CYB5R3: variants seen among roughly 807,000 people sequenced by gnomAD.
CYB5R3 encodes cytochrome b5 reductase 3.
Under a neutral mutation model 36.5 loss-of-function variants are expected in CYB5R3, and 28 were observed. That is an observed-to-expected ratio of 0.77 (90% confidence interval 0.57 to 1.05). CYB5R3 has a LOEUF of 1.05. Ranked by LOEUF, CYB5R3 falls within the 50% of genes least tolerant of loss-of-function variation. The probability of loss-of-function intolerance (pLI) is 0.00; values close to 1 mark genes in which losing one functional copy is unlikely to be tolerated. For synonymous variants in CYB5R3, 181 were observed against 159.8 expected (o/e 1.13, Z -1.00); for missense variants, 474 against 408.9 (o/e 1.16, Z -1.37).
Position 42,649,326 on chromosome 22 carries a change from C to A in CYB5R3, c.-11G>T. Reference sequence around the variant, plus strand: ...GAGCTGGGCCCCCATGGTGGCCCCGCGCCGCGCTCGCTCTGTCGCCGCCGC... The same window carrying A: ...GAGCTGGGCCCCCATGGTGGCCCCGAGCCGCGCTCGCTCTGTCGCCGCCGC... On this transcript the variant is annotated 5_prime_UTR_variant, in exon 1 of 9. Transcript: ENST00000352397. The A allele has an allele frequency of 9.9e-7, 1 of 1,013,776 alleles. No individual in the cohort carries two copies. The highest frequency in any genetic ancestry group is 1.2e-6 in the Non-Finnish European group (1 of 840,908). The allele number at this position is 1,013,776 out of a possible 1,614,324, so 62.8% of individuals were successfully genotyped here.
intron 8 of CYB5R3, 57 bp from the exon 9 acceptor site, chr22:42,620,002 G>T: frequency 1.3e-6 from 2 of 1,498,912 alleles, no homozygotes; most frequent in South Asian, 1.2e-5. Context: ...CCAACCTGCT[G>T]ACCGACCAAC....
At chr22:42,628,083 A>G (rs769421290) in intron 5 of CYB5R3, 69 bp downstream of exon 5, 34 of 1,605,910 alleles carry the variant, frequency 2.1e-5, no homozygotes, top group Non-Finnish European at 2.8e-5. Context: ...TGCACCCTGC[A>G]CCCAGCACGC....
At chr22:42,632,481 G>A (rs573594208) in intron 2 of CYB5R3, 17 of 152,410 alleles carry the variant, frequency 1.1e-4, no homozygotes, top group African/African-American at 4.1e-4. Flanking sequence ...CTCAAGGAGA[G>A]ACCCGTCCCT....
intron 1 of CYB5R3, among the ~76,000 whole-genome samples, chr22:42,642,276 T>C (rs1192148522): frequency 6.6e-6 from 1 of 152,000 alleles, no homozygotes; most frequent in African/African-American, 2.4e-5. Context: ...CAGGCCTTGG[T>C]AATTTTTTTG....
chr22:42,635,399 T>G (rs1398443986), intron 2 of CYB5R3, among the ~76,000 whole-genome samples: 1 of 152,076 alleles, frequency 6.6e-6, no homozygotes, highest in East Asian at 1.9e-4. Context: ...CCACCACGCC[T>G]GGCCTAATTT....
chr22:42,620,305 T>A (rs1927896220), intron 8 of CYB5R3, among the ~76,000 whole-genome samples: 1 of 151,756 alleles, frequency 6.6e-6, no homozygotes, highest in African/African-American at 2.4e-5. Flanking sequence ...GGACCCAGAG[T>A]TGAGTTGCTC....
chr22:42,649,382 C>T lies in CYB5R3; in HGVS notation c.-67G>A. ...CCGCCGAGACCGTCGCGCCCGGGCC[C>T]GCGTCACTCCGGAGCAGGGGCGGGG... On this transcript the variant is annotated 5_prime_UTR_variant, in exon 1 of 9. Coordinates refer to ENST00000352397, the MANE Select transcript of CYB5R3 (RefSeq NM_000398.7). The T allele has an allele frequency of 1.8e-6, 1 of 545,852 alleles. No homozygotes were observed. The highest frequency in any genetic ancestry group is 2.3e-6 in the Non-Finnish European group (1 of 425,564). 33.8% of individuals were successfully genotyped at this position (545,852 alleles called of 1,614,324 possible).
intron 2 of CYB5R3, among the ~76,000 whole-genome samples, chr22:42,636,380 G>C (rs912992870): frequency 6.6e-6 from 1 of 152,088 alleles, no homozygotes; most frequent in Non-Finnish European, 1.5e-5. Context: ...AGGGGGAGGA[G>C]GGAGGAGACC....
intron 4 of CYB5R3, among the ~76,000 whole-genome samples, chr22:42,628,972 G>A (rs551514199): frequency 9.2e-5 from 14 of 152,180 alleles, no homozygotes; most frequent in African/African-American, 1.2e-4. Context: ...GGAGGGCCAC[G>A]GACAGGCAGG....
chr22:42,644,374 C>A (rs373306542), intron 1 of CYB5R3: 2 of 706,528 alleles, frequency 2.8e-6, no homozygotes, highest in Non-Finnish European at 5.2e-6. Context: ...CTCTATGGCC[C>A]CAACTCTGGA....
chr22:42,641,318 T>A (rs1018479088), intron 1 of CYB5R3, among the ~76,000 whole-genome samples: 3 of 152,136 alleles, frequency 2.0e-5, no homozygotes, highest in East Asian at 1.9e-4. Flanking sequence ...GATTTTCTTT[T>A]TTTTTTCTTT....
At chr22:42,625,254 C>A (rs1928201782) in intron 7 of CYB5R3, among the ~76,000 whole-genome samples, 1 of 152,122 alleles carries the variant, frequency 6.6e-6, no homozygotes, top group African/African-American at 2.4e-5. Context: ...TGCCTGTAAT[C>A]TCAGCACTTT....
chr22:42,640,495 C>T (rs566908002), intron 1 of CYB5R3: 321 of 242,160 alleles, frequency 1.3e-3, no homozygotes, highest in Non-Finnish European at 2.1e-3. Flanking sequence ...TTTCCTGCCT[C>T]AGCCTCCCGA....
chr22:42,640,456 G>A, intron 1 of CYB5R3: 1 of 362,598 alleles, frequency 2.8e-6, no homozygotes, highest in Non-Finnish European at 4.4e-6. Flanking sequence ...TTGGCTAACT[G>A]TGACCTCCGC....
intron 4 of CYB5R3, among the ~76,000 whole-genome samples, chr22:42,630,630 G>C (rs1202671159): frequency 1.3e-5 from 2 of 152,204 alleles, no homozygotes; most frequent in Non-Finnish European, 1.5e-5. Flanking sequence ...TAAAGATGAC[G>C]TGCTATTTAC....
intron 1 of CYB5R3, among the ~76,000 whole-genome samples, chr22:42,638,542 G>GAAAA (rs1214704850): frequency 4.0e-5 from 4 of 100,536 alleles, no homozygotes; most frequent in African/African-American, 1.5e-4. Flanking sequence ...TGTCTCTGTT[G>GAAAA]AAAAAAAAAA....
At chr22:42,642,342 G>T (rs1929322259) in intron 1 of CYB5R3, among the ~76,000 whole-genome samples, 1 of 152,126 alleles carries the variant, frequency 6.6e-6, no homozygotes, top group Non-Finnish European at 1.5e-5. Context: ...TCAAACTTCT[G>T]AGCTCAAGCC....
chr22:42,643,655 C>T (rs894131710), intron 1 of CYB5R3, among the ~76,000 whole-genome samples: 7 of 152,160 alleles, frequency 4.6e-5, no homozygotes, highest in Non-Finnish European at 1.0e-4. Context: ...CTCACCCATG[C>T]CCAGGGCCAC....
chr22:42,627,647 T>C lies in CYB5R3; in HGVS notation c.505A>G (p.Ile169Val), dbSNP rs893263194. ...ATGCCCACAGACTTCACTGTCCTGATGATAGGGTTGGACTTTTTGTCAGGT... is the reference window on the plus strand; with the variant it reads ...ATGCCCACAGACTTCACTGTCCTGACGATAGGGTTGGACTTTTTGTCAGGT... ...IRPDKKSNPI[I>V]RTVKSVGMIA... The change falls in exon 6 of 9, where the codon ATC becomes GTC. Residue 169 changes from isoleucine (I) to valine (V), a missense_variant. Ile to Val is a conservative substitution (Grantham distance 29, BLOSUM62 3). Transcript: ENST00000352397. The C allele has an allele frequency of 6.2e-7, 1 of 1,614,094 alleles. No individual in the cohort carries two copies. Among genetic ancestry groups the C allele is most frequent in the South Asian group, 1.1e-5 (1 of 91,088 alleles).
Sources: allele counts gnomAD v4.1 joint callset (sites outside exome capture counted in the v4.1 genomes callset), GRCh38; gene constraint gnomAD v4.1.1; transcripts MANE v1.5; gene names NCBI Gene and HGNC (gene_info 2026-07-23, HGNC 2026-07-21).